The following KIAA1614 variants were observed in gnomAD, a reference collection of about 807,000 sequenced individuals.
KIAA1614 encodes KIAA1614.
In KIAA1614, 76 loss-of-function variants were observed where a neutral mutation model predicts 88.7. The observed-to-expected ratio is 0.86, with a 90% confidence interval of 0.71 to 1.04. The LOEUF (loss-of-function observed/expected upper bound fraction) is 1.04, where lower values mean the gene tolerates loss of function less well. KIAA1614 is among the 50% of genes least tolerant of loss of function. The pLI is 0.00. For missense variants in KIAA1614, 1,553 were observed against 1,582.5 expected (o/e 0.98, Z 0.32); for synonymous variants, 714 against 675.5 (o/e 1.06, Z -0.88).
At position 180,940,612 on chromosome 1, in the gene KIAA1614, T is replaced by A. The variant is rs531168586; in HGVS notation, c.2919-433T>A. 4.7e-4 allele frequency among the ~76,000 whole-genome samples: 71 copies of A among 152,226 alleles called. 2 individuals are homozygous for A. The South Asian group carries it at 0.011, about 24-fold the overall frequency. On this transcript the variant is annotated intron_variant, in intron 6 of 8. Transcript: ENST00000367588. Reference sequence around the variant, plus strand: ...CCCCAAAAGCAACCCAAGCAGAGTATCTGGCAGTCTTTTTTTTCTTTCTTT... The same window carrying A: ...CCCCAAAAGCAACCCAAGCAGAGTAACTGGCAGTCTTTTTTTTCTTTCTTT...
rs201377131 is a variant in KIAA1614, at chr1:180,934,337, C to A, written c.1206-778C>A. On this transcript the variant is annotated intron_variant, in intron 4 of 8. Transcript: ENST00000367588. ...GGCGCAGTGGTGCACACCTGTAATACCAGAACTTTGGGAGGCCGAGGTGGG... is the reference window on the plus strand; with the variant it reads ...GGCGCAGTGGTGCACACCTGTAATAACAGAACTTTGGGAGGCCGAGGTGGG... 5.3e-5 allele frequency among the ~76,000 whole-genome samples: 8 copies of A among 151,498 alleles called. No homozygotes were observed. The East Asian group carries it at 1.6e-3, about 29-fold the overall frequency.
rs759392039 is a variant in KIAA1614, at chr1:180,916,534, C to T, written c.431C>T (p.Thr144Ile). 6.2e-7 allele frequency: 1 copy of T among 1,613,532 alleles called. No individual in the cohort carries two copies. Among genetic ancestry groups the T allele is most frequent in the Admixed American group, 1.7e-5 (1 of 60,018 alleles). ...CCAGGTGCTGTGGTGGCTCCTCGTA[C>T]CCAAAACCTGCCTGATGGGCAGCTG... Reference protein sequence around the residue: ...FLPGAVVAPRTQNLPDGQLDG... With the variant: ...FLPGAVVAPRIQNLPDGQLDG... Residue 144 changes from threonine (T) to isoleucine (I), a missense_variant, in exon 2 of 9, where the codon ACC becomes ATC. Physicochemically the swap from Thr to Ile is moderately conservative, Grantham distance 89. Transcript: ENST00000367588.
At chr1:180,919,797 A>T (rs892913019) in intron 3 of KIAA1614, among the ~76,000 whole-genome samples, 1 of 152,104 alleles carries the variant, frequency 6.6e-6, no homozygotes, top group Non-Finnish European at 1.5e-5. Context: ...ATTTGTGTAG[A>T]ATCCTCAGGA....
chr1:180,940,958 C>A (rs571304581), intron 6 of KIAA1614, 87 bp from the exon 7 acceptor site: 3 of 1,176,426 alleles, frequency 2.6e-6, no homozygotes, highest in South Asian at 3.1e-5. Flanking sequence ...GGCCCATCTG[C>A]GGCCCTTGAG....
chr1:180,941,004 C>CGGGG, intron 6 of KIAA1614, 41 bp from the exon 7 acceptor site: 4 of 915,340 alleles, frequency 4.4e-6, no homozygotes, highest in East Asian at 3.2e-5. Context: ...GCCACCCTCC[C>CGGGG]GGCCCTCCCC....
At chr1:180,933,072 T>G (rs1185984333) in intron 4 of KIAA1614, among the ~76,000 whole-genome samples, 1 of 152,214 alleles carries the variant, frequency 6.6e-6, no homozygotes, top group African/African-American at 2.4e-5. Flanking sequence ...AATTTCGTTC[T>G]GGAGCAGTGC....
chr1:180,935,355 C>T lies in KIAA1614; in HGVS notation c.1446C>T (p.Ala482=), dbSNP rs1198322571. 1.4e-6 allele frequency: 2 copies of T among 1,468,552 alleles called. No individual in the cohort carries two copies. The highest frequency in any genetic ancestry group is 5.0e-5 in the Admixed American group (2 of 39,812). The allele number at this position is 1,468,552 out of a possible 1,614,324, so 91.0% of individuals were successfully genotyped here. Residue 482 remains alanine (A), a synonymous_variant, in exon 5 of 9, where the codon GCC becomes GCT. Coordinates refer to ENST00000367588, the MANE Select transcript of KIAA1614 (RefSeq NM_020950.2). The surrounding 1 kb of genome is among the most constrained non-coding windows in gnomAD (Gnocchi z 6.1). ...AGGTGCTGAGCACCGTGTTGCAGGC[C>T]GCGGACCAGGGCCCCCTGCGCTCCA... ...QRQVLSTVLQ[A]ADQGPLRSKP... is the part of the protein sequence containing the mutation.
intron 3 of KIAA1614, chr1:180,928,179 G>C: frequency 2.4e-6 from 1 of 409,764 alleles, no homozygotes; most frequent in South Asian, 6.5e-5. Flanking sequence ...TCCAGTGCCT[G>C]AGCAGATGTC....
At position 180,945,475 on chromosome 1, in the gene KIAA1614, C is replaced by T. The variant is rs757324354; in HGVS notation, c.3460C>T (p.Arg1154Cys). The part of the protein sequence containing the change: ...FGFCVASGNG[R>C]PDSGMPSPLP... Reference sequence around the variant, plus strand: ...CTTCTGCGTGGCCTCTGGGAATGGGCGCCCAGACTCAGGTATGCCCTCTCC... The same window carrying T: ...CTTCTGCGTGGCCTCTGGGAATGGGTGCCCAGACTCAGGTATGCCCTCTCC... Residue 1154 changes from arginine to cysteine, a missense_variant, in exon 9 of 9, where the codon CGC becomes TGC. By Grantham distance (180) the Arg-to-Cys change is radical. Transcript: ENST00000367588. 2.0e-5 allele frequency: 32 copies of T among 1,612,974 alleles called. No homozygotes were observed. Among genetic ancestry groups the T allele is most frequent in the Middle Eastern group, 1.6e-4 (1 of 6,078 alleles).
chr1:180,950,376 C>T lies in KIAA1614; in HGVS notation c.*4788C>T, dbSNP rs1654705641. On this transcript the variant is annotated 3_prime_UTR_variant, in exon 9 of 9. Coordinates refer to ENST00000367588, the MANE Select transcript of KIAA1614 (RefSeq NM_020950.2). Reference sequence around the variant, plus strand: ...CAGGAGATGGCTGACATGAGCATGGCCAAGCTGTACTCAGGGCTGCTGGGG... The same window carrying T: ...CAGGAGATGGCTGACATGAGCATGGTCAAGCTGTACTCAGGGCTGCTGGGG... 1 of 1,233,218 alleles carries T rather than the reference C, an allele frequency of 8.1e-7. No homozygotes were observed. The highest frequency in any genetic ancestry group is 1.0e-6 in the Non-Finnish European group (1 of 960,790). The allele number at this position is 1,233,218 out of a possible 1,614,324, so 76.4% of individuals were successfully genotyped here. A position where few individuals can be genotyped will look rare whatever the true frequency, so the allele number is the denominator to read the frequency against.
rs774303175 is a variant in KIAA1614, at chr1:180,944,463, C to T, written c.3234C>T (p.Asn1078=). ...ATTCTCTGCTGAGCAGCAAGGGGAA[C>T]CGGTCCAGCCTCTACCTGGTAGCAG... ...NLHSLLSSKG[N]RSSLYLVAGP... Residue 1078 remains asparagine (N), a synonymous_variant, in exon 8 of 9, where the codon AAC becomes AAT. Coordinates refer to ENST00000367588, the MANE Select transcript of KIAA1614 (RefSeq NM_020950.2). 3 of 1,613,866 alleles carry T rather than the reference C, an allele frequency of 1.9e-6. No homozygotes were observed. The highest frequency in any genetic ancestry group is 4.5e-5 in the East Asian group (2 of 44,880).
At position 180,928,396 on chromosome 1, in the gene KIAA1614, C is replaced by T. The variant is rs1179957216; in HGVS notation, c.1062-34C>T. On this transcript the variant is annotated intron_variant, in intron 3 of 8. Transcript: ENST00000367588. ...TCTGCGTTATTTTCCTCTAATCCCT[C>T]CCCCACCACCCTGGCCTGTGTGCCA... is the stretch of plus-strand genomic sequence containing the variant. The T allele has an allele frequency of 2.0e-6, 3 of 1,497,944 alleles. No individual in the cohort carries two copies. The African/African-American group carries it at 4.3e-5, about 21-fold the overall frequency. 92.8% of individuals were successfully genotyped at this position (1,497,944 alleles called of 1,614,324 possible). A position where few individuals can be genotyped will look rare whatever the true frequency, so the allele number is the denominator to read the frequency against.
intron 3 of KIAA1614, among the ~76,000 whole-genome samples, chr1:180,924,877 C>T (rs1654033287): frequency 1.8e-4 from 2 of 11,244 alleles, no homozygotes; most frequent in South Asian, 0.01. Flanking sequence ...AACAATGGTG[C>T]TAATGATAAA....
In KIAA1614 at chr1:180,941,240, C is replaced by T. The variant is rs1268050395; in HGVS notation, c.3114C>T (p.Gly1038=). 1 of 1,613,746 alleles carries T rather than the reference C, an allele frequency of 6.2e-7. No homozygotes were observed. The highest frequency in any genetic ancestry group is 1.7e-5 in the Admixed American group (1 of 60,024). Residue 1038 remains glycine (G), a synonymous_variant, in exon 7 of 9, where the codon GGC becomes GGT. Coordinates refer to ENST00000367588, the MANE Select transcript of KIAA1614 (RefSeq NM_020950.2). ...SVEQLQPAPP[G]LTSQSRAPSL... ...AGCAGTTGCAGCCCGCCCCGCCTGG[C>T]CTGACGTCACAGTCCAGGGCCCCAT...
At position 180,924,114 on chromosome 1, in the gene KIAA1614, C is replaced by T. The variant is rs376497508; in HGVS notation, c.1062-4316C>T. Among the ~76,000 whole-genome samples the T allele has an allele frequency of 9.8e-5, 15 of 152,362 alleles. No homozygotes were observed. In the South Asian group the frequency reaches 1.2e-3, roughly 13 times the overall value. ...CCTCCAGATACCCTGTCCCATGCTGCGTCATTGCCATGCCCATATACACAC... is the reference window on the plus strand; with the variant it reads ...CCTCCAGATACCCTGTCCCATGCTGTGTCATTGCCATGCCCATATACACAC... On this transcript the variant is annotated intron_variant, in intron 3 of 8. Coordinates refer to ENST00000367588, the MANE Select transcript of KIAA1614 (RefSeq NM_020950.2).
At position 180,913,301 on chromosome 1, in the gene KIAA1614, T is replaced by G; in HGVS notation, c.50+8T>G. The G allele has an allele frequency of 8.0e-7, 1 of 1,247,606 alleles. No homozygotes were observed. The highest frequency in any genetic ancestry group is 1.0e-6 in the Non-Finnish European group (1 of 989,382). The allele number at this position is 1,247,606 out of a possible 1,614,324, so 77.3% of individuals were successfully genotyped here. ...CGCGGGCGGCAGCCCCCAGTGAGTATAGAGGAGGCAGCGCCGGGCCGGCCG... is the reference window on the plus strand; with the variant it reads ...CGCGGGCGGCAGCCCCCAGTGAGTAGAGAGGAGGCAGCGCCGGGCCGGCCG... On this transcript the variant is annotated splice_region_variant and intron_variant, in intron 1 of 8. Transcript: ENST00000367588.
Position 180,941,274 on chromosome 1 carries a change from T to G in KIAA1614, c.3148T>G (p.Ser1050Ala), listed in dbSNP as rs1040208423. ...ACAGTCCAGGGCCCCATCGTTACAA[T>G]CCCTGCACCCGGTGAGTCCAGGGGC... ...TSQSRAPSLQ[S>A]LHPVSPSHQR... Residue 1050 changes from serine (S) to alanine (A), a missense_variant, in exon 7 of 9, where the codon TCC (serine) becomes GCC (alanine). Physicochemically the swap from Ser to Ala is moderately conservative, Grantham distance 99 (BLOSUM62 1). Coordinates refer to ENST00000367588, the MANE Select transcript of KIAA1614 (RefSeq NM_020950.2). 4.4e-6 allele frequency: 7 copies of G among 1,608,528 alleles called. No homozygotes were observed. The highest frequency in any genetic ancestry group is 1.7e-5 in the Admixed American group (1 of 59,832).
chr1:180,916,502 T>C lies in KIAA1614; in HGVS notation c.399T>C (p.Ser133=), dbSNP rs1438606365. ...GAGCCGGGACTCCATCAGAGGGGTC[T>C]TTCCTGCCAGGTGCTGTGGTGGCTC... is the stretch of plus-strand genomic sequence containing the variant. ...AGRAGTPSEG[S]FLPGAVVAPR... The change falls in exon 2 of 9, where the codon TCT becomes TCC. Residue 133 remains serine (S), a synonymous_variant. Transcript: ENST00000367588. 2 of 1,614,054 alleles carry C rather than the reference T, an allele frequency of 1.2e-6. No individual in the cohort carries two copies. Among genetic ancestry groups the C allele is most frequent in the South Asian group, 2.2e-5 (2 of 91,074 alleles).
chr1:180,928,278 G>T (rs896644823), intron 3 of KIAA1614, 152 bp from the exon 4 acceptor site: 1 of 931,208 alleles, frequency 1.1e-6, no homozygotes, highest in Non-Finnish European at 1.5e-6. Flanking sequence ...CCCCAGGCTG[G>T]GTTCCCTGTG....
Sources: gnomAD v4.1 joint callset for allele counts (sites outside exome capture counted in the v4.1 genomes callset) on GRCh38, gnomAD v4.1.1 for gene constraint, Gnocchi (gnomAD v3.1) non-coding constraint, MANE v1.5 for transcripts, NCBI Gene and HGNC (gene_info 2026-07-23, HGNC 2026-07-21) for gene names.